The following RNF217 variants were observed in gnomAD, a reference collection of about 807,000 sequenced individuals.
RNF217 encodes the protein E3 ubiquitin-protein ligase RNF217.
In RNF217, 31 loss-of-function variants were observed where a neutral mutation model predicts 57.8. That is an observed-to-expected ratio of 0.54 (90% confidence interval 0.40 to 0.72). The LOEUF is 0.72. Ranked by LOEUF, RNF217 falls within the 30% of genes least tolerant of loss-of-function variation. The pLI is 0.00. For synonymous variants in RNF217, 313 were observed against 294.0 expected (o/e 1.06, Z -0.66); for missense variants, 696 against 708.3 (o/e 0.98, Z 0.20).
chr6:125,084,575 A>G lies in RNF217; in HGVS notation c.*1638A>G, dbSNP rs185592178. 14 of 152,090 alleles carry G rather than the reference A, an allele frequency of 9.2e-5. No individual in the cohort carries two copies. The highest frequency in any genetic ancestry group is 6.6e-4 in the Admixed American group (10 of 15,258). The allele number at this position is 152,090 out of a possible 1,614,324, so 9.4% of individuals were successfully genotyped here. On this transcript the variant is annotated 3_prime_UTR_variant, in exon 6 of 6. Transcript: ENST00000521654. Reference sequence around the variant, plus strand: ...GAGTAGTTTATTTTTGTTGGGCTCCAGAGTGTAAGAATATTTTATTTTTTG... The same window carrying G: ...GAGTAGTTTATTTTTGTTGGGCTCCGGAGTGTAAGAATATTTTATTTTTTG...
intron 1 of RNF217, among the ~76,000 whole-genome samples, chr6:125,017,746 CTGTA>C (rs543352031): frequency 5.3e-5 from 8 of 152,174 alleles, no homozygotes; most frequent in African/African-American, 1.9e-4. Context: ...TATTAACTGA[CTGTA>C]TTTTTTTATT....
At chr6:124,973,201 CTG>C (rs1342337064) in intron 1 of RNF217, among the ~76,000 whole-genome samples, 1 of 152,022 alleles carries the variant, frequency 6.6e-6, no homozygotes, top group African/African-American at 2.4e-5. Flanking sequence ...GCTCATAACA[CTG>C]TGGATAAGAT....
At chr6:125,072,921 G>A (rs1285105864) in intron 3 of RNF217, among the ~76,000 whole-genome samples, 3 of 152,148 alleles carry the variant, frequency 2.0e-5, no homozygotes, top group Non-Finnish European at 4.4e-5. Flanking sequence ...TCTGAACTCT[G>A]TTTATGAAGA....
At chr6:125,029,632 C>G (rs887150440) in intron 1 of RNF217, among the ~76,000 whole-genome samples, 1 of 152,118 alleles carries the variant, frequency 6.6e-6, no homozygotes, top group African/African-American at 2.4e-5. Context: ...AGACCAAACT[C>G]TGTAGGGGGG....
At chr6:125,031,172 G>A (rs1283805382) in intron 1 of RNF217, among the ~76,000 whole-genome samples, 1 of 152,188 alleles carries the variant, frequency 6.6e-6, no homozygotes, top group African/African-American at 2.4e-5. Flanking sequence ...CACACACCCT[G>A]GGGACTGTGG....
rs540134081 is a variant in RNF217, at chr6:125,086,389, C to T, written c.*3452C>T. On this transcript the variant is annotated 3_prime_UTR_variant, in exon 6 of 6. Transcript: ENST00000521654. Reference sequence around the variant, plus strand: ...AGATGAATTGACTTTTGGATTGCCTCATTTTAAAACTTGAGGGATTTAAAT... The same window carrying T: ...AGATGAATTGACTTTTGGATTGCCTTATTTTAAAACTTGAGGGATTTAAAT... 1 of 151,596 alleles carries T rather than the reference C, an allele frequency of 6.6e-6. No homozygotes were observed. The highest frequency in any genetic ancestry group is 6.6e-5 in the Admixed American group (1 of 15,244). 9.4% of individuals were successfully genotyped at this position (151,596 alleles called of 1,614,324 possible).
chr6:125,002,051 C>G (rs1562462165), intron 1 of RNF217, among the ~76,000 whole-genome samples: 1 of 152,068 alleles, frequency 6.6e-6, no homozygotes, highest in East Asian at 1.9e-4. Flanking sequence ...TTTATGAGCC[C>G]CAAACTCCTA....
chr6:124,963,495 C>T, intron 1 of RNF217, 69 bp downstream of exon 1: 1 of 1,421,070 alleles, frequency 7.0e-7, no homozygotes, highest in Non-Finnish European at 9.2e-7. Flanking sequence ...TGCTCTCGAT[C>T]TGATCTCCCT....
chr6:124,995,789 A>G (rs765094981), intron 1 of RNF217, among the ~76,000 whole-genome samples: 18 of 151,946 alleles, frequency 1.2e-4, no homozygotes, highest in Non-Finnish European at 2.2e-4. Context: ...GGGCGTGGTG[A>G]TGGACTTCTG....
chr6:124,982,187 C>T (rs146542751), intron 1 of RNF217, among the ~76,000 whole-genome samples: 1 of 152,068 alleles, frequency 6.6e-6, no homozygotes, highest in Non-Finnish European at 1.5e-5. Flanking sequence ...TCCAACTTGA[C>T]TTTTCCCTTG....
At chr6:125,007,201 C>A (rs143906823) in intron 1 of RNF217, among the ~76,000 whole-genome samples, 6 of 151,310 alleles carry the variant, frequency 4.0e-5, no homozygotes, top group East Asian at 2.0e-4. Context: ...TTTCATGCAG[C>A]CTTCTTCTTG....
At chr6:125,069,889 C>T (rs112949290) in intron 3 of RNF217, among the ~76,000 whole-genome samples, 1,560 of 151,878 alleles carry the variant, frequency 0.01, 32 homozygotes, top group African/African-American at 0.036. Flanking sequence ...TTTGGGGTAC[C>T]GTTGGTTTTT....
intron 1 of RNF217, among the ~76,000 whole-genome samples, chr6:125,032,447 C>T (rs1157250192): frequency 6.6e-6 from 1 of 151,836 alleles, no homozygotes; most frequent in East Asian, 1.9e-4. Flanking sequence ...AGTTAGGAAA[C>T]ACTTATGCCA....
At chr6:124,988,850 A>G (rs540205903) in intron 1 of RNF217, among the ~76,000 whole-genome samples, 20 of 152,344 alleles carry the variant, frequency 1.3e-4, no homozygotes, top group Admixed American at 2.0e-4. Context: ...TCCTCAAATA[A>G]ACAATAACAG....
intron 1 of RNF217, among the ~76,000 whole-genome samples, chr6:125,034,111 G>A (rs1387680420): frequency 3.3e-5 from 5 of 152,078 alleles, no homozygotes; most frequent in Non-Finnish European, 5.9e-5. Context: ...TGTCAGATGA[G>A]TAGGTTGCGA....
intron 1 of RNF217, among the ~76,000 whole-genome samples, chr6:124,972,338 G>C (rs577164204): frequency 2.0e-5 from 3 of 152,062 alleles, no homozygotes; most frequent in South Asian, 2.1e-4. Flanking sequence ...TTCTCTCCTG[G>C]ATTCTTACAA....
intron 5 of RNF217, 48 bp downstream of exon 5, chr6:125,081,555 A>T: frequency 7.1e-7 from 1 of 1,410,750 alleles, no homozygotes; most frequent in East Asian, 2.3e-5. Context: ...TGAGGGCCAT[A>T]GAGAGAATAC....
At chr6:124,971,572 C>T (rs943584055) in intron 1 of RNF217, 1 of 250,090 alleles carries the variant, frequency 4.0e-6, no homozygotes, top group African/African-American at 2.3e-5. Flanking sequence ...TCTCCTGCCT[C>T]AGCCTTCCGA....
chr6:125,024,929 G>C (rs772761444), intron 1 of RNF217, among the ~76,000 whole-genome samples: 66 of 152,162 alleles, frequency 4.3e-4, no homozygotes, highest in Non-Finnish European at 7.5e-4. Context: ...TTGAAACCAT[G>C]GGAGTGGAAG....
Sources: allele counts gnomAD v4.1 joint callset (sites outside exome capture counted in the v4.1 genomes callset), GRCh38; gene constraint gnomAD v4.1.1; transcripts MANE v1.5; gene names NCBI Gene and HGNC (gene_info 2026-07-23, HGNC 2026-07-21).